The following TRHDE variants were observed in gnomAD, a reference collection of about 807,000 sequenced individuals.
The protein encoded by TRHDE is thyrotropin-releasing hormone-degrading ectoenzyme.
A neutral mutation model predicts 125.7 loss-of-function variants in TRHDE; 72 were observed. That is an observed-to-expected ratio of 0.57 (90% CI 0.47 to 0.70). The LOEUF is 0.70. TRHDE is among the 30% of genes least tolerant of loss of function. TRHDE has a pLI of 0.00. For missense variants in TRHDE, 1,110 were observed against 1,327.1 expected, an observed-to-expected ratio of 0.84 and a Z score of 2.54; for synonymous variants, 509 against 509.1, an observed-to-expected ratio of 1.00 and a Z score of 0.00.
intron 7 of TRHDE, among the ~76,000 whole-genome samples, chr12:72,550,977 C>A (rs990839300): frequency 6.6e-6 from 1 of 151,832 alleles, no homozygotes; most frequent in Non-Finnish European, 1.5e-5. Context: ...TCTCTGCTTG[C>A]ATTTCACTCT....
At chr12:72,171,966 C>G (rs915170541) in intron 2 of TRHDE, among the ~76,000 whole-genome samples, 5 of 152,134 alleles carry the variant, frequency 3.3e-5, no homozygotes, top group African/African-American at 1.2e-4. Context: ...GCCCACTGTT[C>G]AATTGCCCTG....
intron 15 of TRHDE, among the ~76,000 whole-genome samples, chr12:72,637,809 T>C (rs1352240798): frequency 5.3e-5 from 8 of 151,996 alleles, no homozygotes; most frequent in South Asian, 2.1e-4. Flanking sequence ...TGTAGTTGAG[T>C]GGTTTTGAGT....
intron 1 of TRHDE, among the ~76,000 whole-genome samples, chr12:72,089,434 C>T (rs369399151): frequency 2.2e-4 from 33 of 152,288 alleles, no homozygotes; most frequent in Admixed American, 5.9e-4. Flanking sequence ...CTTACTTCTC[C>T]GGCCTCATTA....
intron 17 of TRHDE, among the ~76,000 whole-genome samples, chr12:72,656,647 T>A (rs1874718529): frequency 6.6e-6 from 1 of 152,136 alleles, no homozygotes; most frequent in Non-Finnish European, 1.5e-5. Flanking sequence ...TGTTAATCCC[T>A]AAATCCAGTT....
At chr12:72,500,396 C>CT (rs200145339) in intron 6 of TRHDE, among the ~76,000 whole-genome samples, 236 of 151,418 alleles carry the variant, frequency 1.6e-3, no homozygotes, top group African/African-American at 5.5e-3. Flanking sequence ...TTTCTATGTA[C>CT]TTTTTTTTTC....
intron 2 of TRHDE, among the ~76,000 whole-genome samples, chr12:72,342,728 A>C (rs921685025): frequency 1.3e-5 from 2 of 152,138 alleles, no homozygotes; most frequent in Non-Finnish European, 2.9e-5. Flanking sequence ...ATTAGAACAC[A>C]TTCATTGATT....
intron 17 of TRHDE, 44 bp downstream of exon 17, chr12:72,653,200 C>T: frequency 6.5e-7 from 1 of 1,545,104 alleles, no homozygotes; most frequent in Non-Finnish European, 8.8e-7. Context: ...TTAAAGCCGA[C>T]ATAGGAGGAA....
chr12:72,091,337 T>A (rs115580834), intron 1 of TRHDE, among the ~76,000 whole-genome samples: 201 of 152,330 alleles, frequency 1.3e-3, no homozygotes, highest in African/African-American at 4.6e-3. Context: ...AGGGGTTTTA[T>A]GGACAACCTG....
intron 2 of TRHDE, among the ~76,000 whole-genome samples, chr12:72,342,366 C>T (rs1308391372): frequency 1.3e-5 from 2 of 152,054 alleles, no homozygotes; most frequent in African/African-American, 4.8e-5. Flanking sequence ...AACTAATTTT[C>T]AGTATCTTGA....
intron 2 of TRHDE, among the ~76,000 whole-genome samples, chr12:72,351,476 A>T (rs1356459705): frequency 1.3e-5 from 2 of 152,008 alleles, no homozygotes; most frequent in Non-Finnish European, 2.9e-5. Context: ...GCCATAATAG[A>T]GAAAGCAGTA....
intron 5 of TRHDE, among the ~76,000 whole-genome samples, chr12:72,490,252 CAG>C (rs1877603313): frequency 6.6e-6 from 1 of 151,756 alleles, no homozygotes; most frequent in African/African-American, 2.4e-5. Context: ...TGGTAGTCAT[CAG>C]AGAAATGCAA....
chr12:72,241,923 C>A (rs1009757059), intron 2 of TRHDE, among the ~76,000 whole-genome samples: 3 of 152,280 alleles, frequency 2.0e-5, no homozygotes, highest in Admixed American at 2.0e-4. Context: ...TGATGTTGAA[C>A]ATATTTCATG....
intron 12 of TRHDE, among the ~76,000 whole-genome samples, chr12:72,583,264 G>A (rs924319954): frequency 1.3e-5 from 2 of 152,114 alleles, no homozygotes; most frequent in Non-Finnish European, 2.9e-5. Flanking sequence ...TTCTGCCATT[G>A]ACCAAAAGTT....
At chr12:72,584,833 A>G (rs1250233702) in intron 12 of TRHDE, among the ~76,000 whole-genome samples, 6 of 152,154 alleles carry the variant, frequency 3.9e-5, no homozygotes, top group South Asian at 2.1e-4. Flanking sequence ...ATATTTGGCT[A>G]TTGTGAATAA....
intron 2 of TRHDE, among the ~76,000 whole-genome samples, chr12:72,299,301 G>T (rs901024054): frequency 6.6e-6 from 1 of 152,158 alleles, no homozygotes; most frequent in African/African-American, 2.4e-5. Flanking sequence ...CTAATAGTAC[G>T]ATCTGTCCTC....
chr12:72,174,590 T>A (rs1876947756), intron 2 of TRHDE, among the ~76,000 whole-genome samples: 1 of 152,214 alleles, frequency 6.6e-6, no homozygotes, highest in Non-Finnish European at 1.5e-5. Flanking sequence ...TAGCCTATTT[T>A]TTTTCCTTCA....
chr12:72,375,527 G>A (rs1009590639), intron 2 of TRHDE, among the ~76,000 whole-genome samples: 2 of 152,176 alleles, frequency 1.3e-5, no homozygotes, highest in Admixed American at 6.5e-5. Context: ...ACCAAAAACA[G>A]GGAAGCGTCC....
At chr12:72,227,783 A>G (rs778210467) in intron 2 of TRHDE, among the ~76,000 whole-genome samples, 10 of 152,284 alleles carry the variant, frequency 6.6e-5, no homozygotes, top group Non-Finnish European at 8.8e-5. Context: ...AAATACAACC[A>G]TTCCAAATGT....
At chr12:72,201,109 G>A (rs1355460838) in intron 2 of TRHDE, among the ~76,000 whole-genome samples, 4 of 152,120 alleles carry the variant, frequency 2.6e-5, no homozygotes, top group African/African-American at 9.7e-5. Context: ...GATCTCTCTA[G>A]GAGATCTCTC....
Sources: gnomAD v4.1 joint callset for allele counts (sites outside exome capture counted in the v4.1 genomes callset) on GRCh38, gnomAD v4.1.1 for gene constraint, MANE v1.5 for transcripts, NCBI Gene and HGNC (gene_info 2026-07-23, HGNC 2026-07-21) for gene names.